Variants in LCE2D observed in about 807,000 individuals in gnomAD.
LCE2D encodes the protein late cornified envelope protein 2D.
For missense variants in LCE2D, 161 were observed against 142.9 expected (o/e 1.13, Z -0.65); for synonymous variants, 55 against 51.3 (o/e 1.07, Z -0.31).
chr1:152,664,354 G>T lies in LCE2D; in HGVS notation c.249G>T (p.Arg83=), dbSNP rs540303426. The T allele has an allele frequency of 3.7e-6, 6 of 1,608,802 alleles. No individual in the cohort carries two copies. The South Asian group carries it at 4.4e-5, about 12-fold the overall frequency. ...ACCACAGGCCCCGTCTCTTCCACCGGCGCCGGCACCAGAGCCCCGATTGCT... is the reference window on the plus strand; with the variant it reads ...ACCACAGGCCCCGTCTCTTCCACCGTCGCCGGCACCAGAGCCCCGATTGCT... ...LSHHRPRLFH[R]RRHQSPDCCE... Residue 83 remains arginine, a synonymous_variant, in exon 2 of 2, where the codon CGG becomes CGT. Coordinates refer to ENST00000368784, the MANE Select transcript of LCE2D (RefSeq NM_178430.4).
intron 1 of LCE2D, among the ~76,000 whole-genome samples, chr1:152,663,787 G>A (rs1000623580): frequency 6.6e-6 from 1 of 152,172 alleles, no homozygotes; most frequent in African/African-American, 2.4e-5. Flanking sequence ...CCATCTGGGC[G>A]CTGGGGCTTG....
rs1648512961 is a variant in LCE2D, at chr1:152,664,599, G to A, written c.*161G>A. ...TTGTGCTTGATGGAGCACCCCAGAT[G>A]GAAGCCTTCTTTTTCTCCTTTACCT... On this transcript the variant is annotated 3_prime_UTR_variant, in exon 2 of 2. Transcript: ENST00000368784. 11 of 983,178 alleles carry A rather than the reference G, an allele frequency of 1.1e-5. No individual in the cohort carries two copies. The highest frequency in any genetic ancestry group is 3.0e-5 in the Admixed American group (1 of 33,296). The allele number at this position is 983,178 out of a possible 1,614,324, so 60.9% of individuals were successfully genotyped here.
In LCE2D at chr1:152,663,981, T is replaced by C. The variant is rs1648475956; in HGVS notation, c.-21-104T>C. 2.3e-6 allele frequency: 3 copies of C among 1,289,184 alleles called. No homozygotes were observed. The East Asian group carries it at 7.2e-5, about 31-fold the overall frequency. 79.9% of individuals were successfully genotyped at this position (1,289,184 alleles called of 1,614,324 possible). On this transcript the variant is annotated intron_variant, in intron 1 of 1. Coordinates refer to ENST00000368784, the MANE Select transcript of LCE2D (RefSeq NM_178430.4). The stretch of plus-strand genomic sequence containing the variant: ...CTTTCAGGTTACTGATGTGACTGTA[T>C]TACCTAAATATCATTCTTCTTCTAC...
At position 152,664,170 on chromosome 1, in the gene LCE2D, C is replaced by G. The variant is rs751529775; in HGVS notation, c.65C>G (p.Pro22Arg). ...PPPKCPPKCT[P>R]KCPPKCPPKC... ...CCCAAATGTCCTCCCAAGTGTACCC[C>G]AAAATGTCCACCTAAGTGTCCCCCC... Residue 22 changes from proline (P) to arginine (R), a missense_variant, in exon 2 of 2, where the codon CCA becomes CGA. Coordinates refer to ENST00000368784, the MANE Select transcript of LCE2D (RefSeq NM_178430.4). The G allele has an allele frequency of 6.2e-7, 1 of 1,614,164 alleles. No homozygotes were observed. The highest frequency in any genetic ancestry group is 1.1e-5 in the South Asian group (1 of 91,082).
At position 152,664,509 on chromosome 1, in the gene LCE2D, C is replaced by G. The variant is rs1648510517; in HGVS notation, c.*71C>G. On this transcript the variant is annotated 3_prime_UTR_variant, in exon 2 of 2. Coordinates refer to ENST00000368784, the MANE Select transcript of LCE2D (RefSeq NM_178430.4). Reference sequence around the variant, plus strand: ...TACAGCCTGATGCTTAACTATTTCCCCTTCCTTTCATTCCACTCATGGGTG... The same window carrying G: ...TACAGCCTGATGCTTAACTATTTCCGCTTCCTTTCATTCCACTCATGGGTG... 6.5e-7 allele frequency: 1 copy of G among 1,527,762 alleles called. No individual in the cohort carries two copies. The highest frequency in any genetic ancestry group is 1.3e-5 in the South Asian group (1 of 76,102). 94.6% of individuals were successfully genotyped at this position (1,527,762 alleles called of 1,614,324 possible).
chr1:152,663,793 GCT>G (rs1213429625), intron 1 of LCE2D, among the ~76,000 whole-genome samples: 1 of 152,158 alleles, frequency 6.6e-6, no homozygotes, highest in Non-Finnish European at 1.5e-5. Flanking sequence ...GGGCGCTGGG[GCT>G]TGTATTAAGA....
Position 152,664,519 on chromosome 1 carries a change from A to G in LCE2D, c.*81A>G. 6.6e-7 allele frequency: 1 copy of G among 1,521,340 alleles called. No homozygotes were observed. The highest frequency in any genetic ancestry group is 8.8e-7 in the Non-Finnish European group (1 of 1,136,254). The allele number at this position is 1,521,340 out of a possible 1,614,324, so 94.2% of individuals were successfully genotyped here. On this transcript the variant is annotated 3_prime_UTR_variant, in exon 2 of 2. Coordinates refer to ENST00000368784, the MANE Select transcript of LCE2D (RefSeq NM_178430.4). ...TGCTTAACTATTTCCCCTTCCTTTC[A>G]TTCCACTCATGGGTGGACAGGGACC... is the stretch of plus-strand genomic sequence containing the variant.
rs1648507689 is a variant in LCE2D, at chr1:152,664,425, G to C, written c.320G>C (p.Gly107Ala). 3.1e-6 allele frequency: 5 copies of C among 1,612,684 alleles called. No homozygotes were observed. The highest frequency in any genetic ancestry group is 4.2e-6 in the Non-Finnish European group (5 of 1,179,312). ...SGASGCCHSS[G>A]GCC ...GCCTCTGGCTGCTGCCACAGCTCTG[G>C]GGGCTGCTGCTGACCTGGGCTGCAG... Residue 107 changes from glycine to alanine, a missense_variant, in exon 2 of 2, where the codon GGG (glycine) becomes GCG (alanine). By Grantham distance (60) the Gly-to-Ala change is moderately conservative (BLOSUM62 0). Transcript: ENST00000368784.
chr1:152,664,054 A>G, intron 1 of LCE2D, 31 bp from the exon 2 acceptor site: 1 of 1,593,942 alleles, frequency 6.3e-7, no homozygotes, highest in South Asian at 1.2e-5. Context: ...TTGGTTTGAA[A>G]TATTTAAAGA....
In LCE2D at chr1:152,664,503, A is replaced by G; in HGVS notation, c.*65A>G. The G allele has an allele frequency of 1.4e-5, 21 of 1,531,932 alleles. No individual in the cohort carries two copies. Among genetic ancestry groups the G allele is most frequent in the Admixed American group, 2.1e-5 (1 of 47,062 alleles). 94.9% of individuals were successfully genotyped at this position (1,531,932 alleles called of 1,614,324 possible). ...ACCTGCTACAGCCTGATGCTTAACT[A>G]TTTCCCCTTCCTTTCATTCCACTCA... On this transcript the variant is annotated 3_prime_UTR_variant, in exon 2 of 2. Coordinates refer to ENST00000368784, the MANE Select transcript of LCE2D (RefSeq NM_178430.4).
Sources: gnomAD v4.1 joint callset for allele counts (sites outside exome capture counted in the v4.1 genomes callset) on GRCh38, gnomAD v4.1.1 for gene constraint, MANE v1.5 for transcripts, NCBI Gene and HGNC (gene_info 2026-07-23, HGNC 2026-07-21) for gene names.